Variants in APBB2 observed in about 807,000 individuals in gnomAD.
The protein encoded by APBB2 is Fe65-like 1.
In APBB2, 38 loss-of-function variants were observed where a neutral mutation model predicts 82.5. The observed-to-expected ratio is 0.46, with a 90% CI of 0.36 to 0.60. The LOEUF (loss-of-function observed/expected upper bound fraction) is 0.60. Ranked by LOEUF, APBB2 falls within the 20% of genes least tolerant of loss-of-function variation. The pLI is 0.00. For synonymous variants in APBB2, 341 were observed against 368.2 expected (o/e 0.93, Z 0.85); for missense variants, 772 against 972.3 (o/e 0.79, Z 2.74).
chr4:41,099,349 C>T (rs1326338660), intron 3 of APBB2, among the ~76,000 whole-genome samples: 2 of 152,140 alleles, frequency 1.3e-5, no homozygotes, highest in African/African-American at 4.8e-5. Flanking sequence ...CTGCCTCAGG[C>T]TTCCGAGTAG....
intron 12 of APBB2, among the ~76,000 whole-genome samples, chr4:40,860,183 G>A (rs1762428342): frequency 6.6e-6 from 1 of 152,192 alleles, no homozygotes; most frequent in African/African-American, 2.4e-5. Context: ...GCTTCTGGGA[G>A]GTAAACTCTA....
At chr4:41,004,616 C>G (rs1181693026) in intron 6 of APBB2, among the ~76,000 whole-genome samples, 1 of 151,528 alleles carries the variant, frequency 6.6e-6, no homozygotes, top group African/African-American at 2.4e-5. Flanking sequence ...GCGGGTGGAT[C>G]ATGAGGTCAG....
At chr4:40,909,898 CA>C (rs1778082510) in intron 10 of APBB2, among the ~76,000 whole-genome samples, 1 of 152,214 alleles carries the variant, frequency 6.6e-6, no homozygotes. Flanking sequence ...CATGTTTTCA[CA>C]ACAACACTAC....
At chr4:40,968,895 T>G (rs10007507) in intron 6 of APBB2, among the ~76,000 whole-genome samples, 18,836 of 151,994 alleles carry the variant, frequency 0.12, 3,833 homozygotes, top group African/African-American at 0.42. Flanking sequence ...CTGGTGGGAG[T>G]TAATTGAATC....
At chr4:40,940,415 C>T (rs543201479) in intron 7 of APBB2, among the ~76,000 whole-genome samples, 38 of 152,294 alleles carry the variant, frequency 2.5e-4, no homozygotes, top group African/African-American at 8.7e-4. Flanking sequence ...CACCATTCCT[C>T]GGCTCACTGG....
rs1224060755 is a variant in APBB2 at position 40,979,092 on chromosome 4, G to A, written c.836-34019C>T. On this transcript the variant is annotated intron_variant, in intron 6 of 17. Coordinates refer to ENST00000508593, the MANE Select transcript of APBB2 (RefSeq NM_004307.2). Reference sequence around the variant, plus strand: ...GCACAATGAGTTCGGGTAACTTGATGAGCTCTGAGTTTTTCTAACACTCTC... The same window carrying A: ...GCACAATGAGTTCGGGTAACTTGATAAGCTCTGAGTTTTTCTAACACTCTC... Among the ~76,000 whole-genome samples the A allele has an allele frequency of 4.6e-5, 7 of 152,246 alleles. No homozygotes were observed. In the South Asian group the frequency reaches 1.0e-3, roughly 23 times the overall value.
intron 5 of APBB2, among the ~76,000 whole-genome samples, chr4:41,024,789 G>A (rs936544157): frequency 1.1e-4 from 16 of 152,230 alleles, no homozygotes; most frequent in Admixed American, 9.2e-4. Context: ...GCAGGCCTGG[G>A]CTGCAGCCAT....
intron 12 of APBB2, 75 bp downstream of exon 12, chr4:40,890,289 G>A (rs1463711122): frequency 3.3e-6 from 5 of 1,522,244 alleles, no homozygotes; most frequent in East Asian, 4.7e-5. Context: ...GAAATGCTGC[G>A]AGCCCATGCT....
intron 3 of APBB2, among the ~76,000 whole-genome samples, chr4:41,079,567 T>G (rs940353737): frequency 6.9e-6 from 1 of 145,954 alleles, no homozygotes; most frequent in African/African-American, 2.6e-5. Context: ...TTTTTTTTTT[T>G]GAAATGGAGT....
intron 12 of APBB2, among the ~76,000 whole-genome samples, chr4:40,843,080 G>A (rs930199125): frequency 5.3e-5 from 8 of 152,158 alleles, no homozygotes; most frequent in Non-Finnish European, 1.2e-4. Context: ...CCCTAATGAA[G>A]TCACTTAATC....
In APBB2 at chr4:40,917,779, G is replaced by A. The variant is rs151294054; in HGVS notation, c.1254+16677C>T. On this transcript the variant is annotated intron_variant, in intron 10 of 17. Transcript: ENST00000508593. ...AGCTTTGGAATGATGAGGAGTATTT[G>A]CAGAACAGTAATGGTGAACTTCTTA... 3.2e-3 allele frequency among the ~76,000 whole-genome samples: 486 copies of A among 152,294 alleles called. 9 individuals carry two copies. The highest frequency in any genetic ancestry group is 0.027 in the Admixed American group (412 of 15,306).
At chr4:41,029,957 C>T (rs1716047477) in intron 5 of APBB2, among the ~76,000 whole-genome samples, 1 of 152,006 alleles carries the variant, frequency 6.6e-6, no homozygotes, top group Admixed American at 6.5e-5. Context: ...AAGATCAAGG[C>T]CATCCTGGCT....
At chr4:40,818,837 T>A (rs1746745627) in intron 17 of APBB2, among the ~76,000 whole-genome samples, 1 of 152,212 alleles carries the variant, frequency 6.6e-6, no homozygotes, top group Non-Finnish European at 1.5e-5. Flanking sequence ...GTCAAATGCC[T>A]CTTTTCTACG....
At chr4:41,018,477 G>C (rs1291022323) in intron 5 of APBB2, among the ~76,000 whole-genome samples, 1 of 152,170 alleles carries the variant, frequency 6.6e-6, no homozygotes, top group Non-Finnish European at 1.5e-5. Flanking sequence ...GAGGCGGTAT[G>C]ATGGAGAAGA....
At chr4:41,157,193 G>T (rs1298365920) in intron 1 of APBB2, among the ~76,000 whole-genome samples, 1 of 152,036 alleles carries the variant, frequency 6.6e-6, no homozygotes, top group Non-Finnish European at 1.5e-5. Flanking sequence ...CTATCGTCTT[G>T]CACACCTGCT....
intron 12 of APBB2, among the ~76,000 whole-genome samples, chr4:40,847,254 G>A (rs747732670): frequency 1.1e-4 from 17 of 152,270 alleles, no homozygotes; most frequent in African/African-American, 1.7e-4. Flanking sequence ...CTTGAGGCCA[G>A]GAGTTCAAGA....
chr4:40,895,620 C>T (rs1773451832), intron 10 of APBB2, among the ~76,000 whole-genome samples: 1 of 152,228 alleles, frequency 6.6e-6, no homozygotes, highest in Non-Finnish European at 1.5e-5. Flanking sequence ...TGAAAACGCA[C>T]AATTGTGCCA....
intron 2 of APBB2, among the ~76,000 whole-genome samples, chr4:41,119,459 TACC>T (rs954771954): frequency 6.6e-6 from 1 of 150,728 alleles, no homozygotes; most frequent in African/African-American, 2.4e-5. Context: ...GGAAGGAATT[TACC>T]ACACCTCCTA....
chr4:41,190,498 C>T (rs151300713), intron 1 of APBB2, among the ~76,000 whole-genome samples: 6,063 of 152,112 alleles, frequency 0.04, 131 homozygotes, highest in Middle Eastern at 0.054. Context: ...ATCCACCTGC[C>T]TCAGCCTCCC....
Sources: allele counts gnomAD v4.1 joint callset (sites outside exome capture counted in the v4.1 genomes callset), GRCh38; gene constraint gnomAD v4.1.1; transcripts MANE v1.5; gene names NCBI Gene and HGNC (gene_info 2026-07-23, HGNC 2026-07-21).